Variants in IQCJ observed in about 807,000 individuals in gnomAD.
IQCJ encodes IQ motif containing J.
IQCJ carries 9 observed loss-of-function variants against 11.0 expected under a neutral mutation model. The observed-to-expected ratio is 0.82, with a 90% confidence interval of 0.49 to 1.43. The LOEUF (loss-of-function observed/expected upper bound fraction) is 1.43, where lower values mean the gene tolerates loss of function less well. Ranked by LOEUF, IQCJ falls within the 40% of genes most tolerant of loss-of-function variation. The probability of loss-of-function intolerance (pLI) is 0.00; values close to 1 mark genes in which losing one functional copy is unlikely to be tolerated. For synonymous variants in IQCJ, 55 were observed against 51.3 expected (o/e 1.07, Z -0.31); for missense variants, 146 against 133.2 (o/e 1.10, Z -0.47).
chr3:159,257,421 T>C (rs995473388), intron 3 of IQCJ, among the ~76,000 whole-genome samples: 14 of 152,194 alleles, frequency 9.2e-5, no homozygotes, highest in Admixed American at 5.2e-4. Flanking sequence ...TGTGAGAACA[T>C]TGACATTCTT....
chr3:159,188,541 A>T (rs974833001), intron 1 of IQCJ, among the ~76,000 whole-genome samples: 3 of 152,176 alleles, frequency 2.0e-5, no homozygotes, highest in Non-Finnish European at 2.9e-5. Flanking sequence ...CCCAGTCCCA[A>T]TTTCCCCTAT....
chr3:159,231,013 T>C (rs942785981), intron 1 of IQCJ, among the ~76,000 whole-genome samples: 2 of 152,208 alleles, frequency 1.3e-5, no homozygotes, highest in African/African-American at 4.8e-5. Context: ...TGAAGTAAAC[T>C]TGATATTCTG....
intron 1 of IQCJ, among the ~76,000 whole-genome samples, chr3:159,165,035 A>T (rs1395489485): frequency 6.6e-6 from 1 of 152,130 alleles, no homozygotes; most frequent in Non-Finnish European, 1.5e-5. Context: ...CACCAAAATT[A>T]GGCACATGAT....
chr3:159,084,248 GTAA>G (rs949764762), intron 1 of IQCJ, among the ~76,000 whole-genome samples: 1 of 58,772 alleles, frequency 1.7e-5, no homozygotes, highest in African/African-American at 7.0e-5. Flanking sequence ...CTAAAAATAA[GTAA>G]AAAAAAAAAT....
rs1725644105 is a variant in IQCJ at position 159,223,097 on chromosome 3, CA to C, written c.10-22744del. On this transcript the variant is annotated intron_variant, in intron 1 of 3. Transcript: ENST00000397832. Reference sequence around the variant, plus strand: ...TTTATATACTTGAAAACAAGACTTCCAAGTATACAGAGCACAAACTGTTACA... The same window carrying C: ...TTTATATACTTGAAAACAAGACTTCCAGTATACAGAGCACAAACTGTTACA... 2.0e-5 allele frequency among the ~76,000 whole-genome samples: 3 copies of C among 152,000 alleles called. No individual in the cohort carries two copies. The South Asian group carries it at 6.2e-4, about 32-fold the overall frequency.
intron 1 of IQCJ, among the ~76,000 whole-genome samples, chr3:159,208,069 G>C (rs1034552791): frequency 6.6e-6 from 1 of 152,080 alleles, no homozygotes; most frequent in East Asian, 1.9e-4. Flanking sequence ...GAGCAACTTA[G>C]AAGGGAGAAA....
chr3:159,179,707 C>A (rs1263151659), intron 1 of IQCJ, among the ~76,000 whole-genome samples: 2 of 152,090 alleles, frequency 1.3e-5, no homozygotes, highest in Non-Finnish European at 2.9e-5. Context: ...AAATACGTAC[C>A]ATTTATTAAG....
At chr3:159,118,226 G>T (rs935420546) in intron 1 of IQCJ, among the ~76,000 whole-genome samples, 4 of 152,134 alleles carry the variant, frequency 2.6e-5, no homozygotes, top group Non-Finnish European at 5.9e-5. Context: ...GATCAGGCTT[G>T]TTGGAGGGGA....
At chr3:159,231,170 G>T (rs9823574) in intron 1 of IQCJ, among the ~76,000 whole-genome samples, 3,468 of 152,242 alleles carry the variant, frequency 0.023, 140 homozygotes, top group African/African-American at 0.079. Context: ...GGCTATGTAA[G>T]GAGAACCAGG....
At chr3:159,158,323 G>A (rs1050775794) in intron 1 of IQCJ, among the ~76,000 whole-genome samples, 1 of 152,200 alleles carries the variant, frequency 6.6e-6, no homozygotes, top group African/African-American at 2.4e-5. Flanking sequence ...TGGAAGCCCT[G>A]TAGGAGGCAG....
intron 2 of IQCJ, among the ~76,000 whole-genome samples, chr3:159,251,755 C>T (rs960824082): frequency 3.3e-5 from 5 of 152,044 alleles, no homozygotes; most frequent in African/African-American, 1.2e-4. Flanking sequence ...CAACCAGTGC[C>T]TTCTGGTGGA....
At chr3:159,253,638 C>G (rs1402434533) in intron 3 of IQCJ, among the ~76,000 whole-genome samples, 2 of 151,330 alleles carry the variant, frequency 1.3e-5, no homozygotes, top group Non-Finnish European at 3.0e-5. Flanking sequence ...CACACACACT[C>G]ACACACTCAG....
intron 1 of IQCJ, among the ~76,000 whole-genome samples, chr3:159,242,767 G>A (rs187663667): frequency 6.6e-6 from 1 of 151,392 alleles, no homozygotes; most frequent in East Asian, 1.9e-4. Flanking sequence ...CTATATTTGG[G>A]GGCAGGAAAA....
intron 1 of IQCJ, among the ~76,000 whole-genome samples, chr3:159,164,508 C>G (rs1055828411): frequency 6.6e-6 from 1 of 152,184 alleles, no homozygotes; most frequent in Non-Finnish European, 1.5e-5. Context: ...TGGCTAACAC[C>G]TATAATCCCA....
chr3:159,179,209 A>T (rs1358338658), intron 1 of IQCJ, among the ~76,000 whole-genome samples: 1 of 152,172 alleles, frequency 6.6e-6, no homozygotes, highest in Non-Finnish European at 1.5e-5. Flanking sequence ...CTAGACATGG[A>T]ACCAGGGACA....
At chr3:159,177,609 T>A (rs1001167289) in intron 1 of IQCJ, among the ~76,000 whole-genome samples, 1 of 152,134 alleles carries the variant, frequency 6.6e-6, no homozygotes, top group Non-Finnish European at 1.5e-5. Context: ...GAGGGAAGCA[T>A]TGACTATGAG....
At chr3:159,233,536 A>G (rs144030506) in intron 1 of IQCJ, among the ~76,000 whole-genome samples, 1 of 152,356 alleles carries the variant, frequency 6.6e-6, no homozygotes, top group East Asian at 1.9e-4. Context: ...AATCTGTGTG[A>G]TAGTTAAAAT....
chr3:159,200,421 A>G (rs771847173), intron 1 of IQCJ, among the ~76,000 whole-genome samples: 7 of 152,152 alleles, frequency 4.6e-5, no homozygotes, highest in Admixed American at 1.3e-4. Flanking sequence ...GGATTTCTTC[A>G]TGAATCAGTC....
intron 1 of IQCJ, among the ~76,000 whole-genome samples, chr3:159,073,594 T>C (rs552684000): frequency 6.6e-6 from 1 of 152,102 alleles, no homozygotes; most frequent in Non-Finnish European, 1.5e-5. Flanking sequence ...AAATGTACTC[T>C]TTCAGTCTTA....
Sources: allele counts gnomAD v4.1 joint callset (sites outside exome capture counted in the v4.1 genomes callset), GRCh38; gene constraint gnomAD v4.1.1; transcripts MANE v1.5; gene names NCBI Gene and HGNC (gene_info 2026-07-23, HGNC 2026-07-21).